GAB2: variants seen among roughly 807,000 people sequenced by gnomAD.
GAB2 encodes GRB2-associated-binding protein 2.
GAB2 carries 26 observed loss-of-function variants against 65.5 expected under a neutral mutation model. That is an observed-to-expected ratio of 0.40 (90% confidence interval 0.29 to 0.55). The LOEUF (loss-of-function observed/expected upper bound fraction) is 0.55. Among genes scored for constraint, GAB2 ranks in the 20% least tolerant of loss-of-function variants. The pLI is 0.53. For missense variants in GAB2, 884 were observed against 875.8 expected (o/e 1.01, Z -0.12); for synonymous variants, 321 against 329.6 (o/e 0.97, Z 0.28).
At chr11:78,394,218 G>A (rs1856866918) in intron 1 of GAB2, among the ~76,000 whole-genome samples, 1 of 152,216 alleles carries the variant, frequency 6.6e-6, no homozygotes, top group African/African-American at 2.4e-5. Context: ...AACCCAGGAG[G>A]CGGAGGTTGC....
intron 3 of GAB2, among the ~76,000 whole-genome samples, chr11:78,231,328 G>A (rs964175589): frequency 1.7e-5 from 2 of 121,188 alleles, no homozygotes; most frequent in South Asian, 2.7e-4. Context: ...GCGCGCGCGC[G>A]CGTGTGTGGT....
rs1864296975 is a variant in GAB2, at chr11:78,219,244, C to T, written c.*28G>A. The T allele has an allele frequency of 1.9e-6, 3 of 1,606,912 alleles. No individual in the cohort carries two copies. The highest frequency in any genetic ancestry group is 2.7e-5 in the African/African-American group (2 of 74,736). ...GGAAGGGCCAGCTCTGGAGATGCTG[C>T]CTCCTGGGCTCTGCGGTGGCCCTCT... is the stretch of plus-strand genomic sequence containing the variant. On this transcript the variant is annotated 3_prime_UTR_variant, in exon 10 of 10. Transcript: ENST00000361507.
chr11:78,324,290 T>C (rs1368182146), intron 1 of GAB2, among the ~76,000 whole-genome samples: 1 of 152,206 alleles, frequency 6.6e-6, no homozygotes, highest in African/African-American at 2.4e-5. Flanking sequence ...TCCTTAAGTT[T>C]GATCCCAAGA....
intron 1 of GAB2, among the ~76,000 whole-genome samples, chr11:78,317,333 T>A (rs1855628132): frequency 6.6e-6 from 1 of 152,004 alleles, no homozygotes; most frequent in South Asian, 2.1e-4. Flanking sequence ...GGAGCCAAGG[T>A]GGACAGATCG....
chr11:78,311,158 T>A (rs1855492440), intron 1 of GAB2, among the ~76,000 whole-genome samples: 1 of 152,236 alleles, frequency 6.6e-6, no homozygotes, highest in African/African-American at 2.4e-5. Context: ...TCTGCCTATA[T>A]AATGTACTGA....
At position 78,220,378 on chromosome 11, in the gene GAB2, C is replaced by T. The variant is rs780858100; in HGVS notation, c.1828G>A (p.Gly610Ser). 2.9e-5 allele frequency: 47 copies of T among 1,612,622 alleles called. No individual in the cohort carries two copies. Among genetic ancestry groups the T allele is most frequent in the Non-Finnish European group, 3.6e-5 (43 of 1,179,186 alleles). The change falls in exon 9 of 10, where the codon GGC becomes AGC. Residue 610 changes from glycine to serine, a missense_variant. Gly to Ser is a moderately conservative substitution (Grantham distance 56). Coordinates refer to ENST00000361507, the MANE Select transcript of GAB2 (RefSeq NM_080491.3). ...TNSPAPKKST[G>S]SVDYLALDFQ... is the part of the protein sequence containing the mutation. ...TCCAGGGCCAGATAATCAACGCTGC[C>T]GGTGCTCTTCTTAGGGGCAGGACTG...
chr11:78,341,293 T>C (rs865858010), intron 1 of GAB2, among the ~76,000 whole-genome samples: 11 of 152,358 alleles, frequency 7.2e-5, no homozygotes, highest in Middle Eastern at 3.4e-3. Flanking sequence ...TGCTATGCTC[T>C]AGGCATATTG....
chr11:78,308,274 T>C (rs186562108), intron 1 of GAB2, among the ~76,000 whole-genome samples: 3 of 152,020 alleles, frequency 2.0e-5, no homozygotes, highest in African/African-American at 7.2e-5. Flanking sequence ...ACAGGACGCA[T>C]AGAAAGAGAG....
intron 6 of GAB2, among the ~76,000 whole-genome samples, chr11:78,223,110 G>A (rs1043118280): frequency 1.3e-5 from 2 of 152,184 alleles, no homozygotes; most frequent in Non-Finnish European, 2.9e-5. Context: ...CTGATCCAAT[G>A]CCAGGAGAGT....
chr11:78,287,452 A>G (rs1226080281), intron 1 of GAB2, among the ~76,000 whole-genome samples: 1 of 151,908 alleles, frequency 6.6e-6, no homozygotes, highest in Admixed American at 6.6e-5. Context: ...TAATTTCTAA[A>G]TTTTTGTAGA....
chr11:78,314,225 T>C (rs1290175481), intron 1 of GAB2, among the ~76,000 whole-genome samples: 3 of 152,196 alleles, frequency 2.0e-5, no homozygotes, highest in East Asian at 1.9e-4. Flanking sequence ...ACCGTTGTGA[T>C]GGTACTTGCA....
chr11:78,333,589 A>G (rs2134680717), intron 1 of GAB2, among the ~76,000 whole-genome samples: 1 of 152,306 alleles, frequency 6.6e-6, no homozygotes, highest in Non-Finnish European at 1.5e-5. Flanking sequence ...TTTTATACAC[A>G]GTGGGAGCCA....
chr11:78,401,331 G>C (rs1173852413), intron 1 of GAB2, among the ~76,000 whole-genome samples: 2 of 152,152 alleles, frequency 1.3e-5, no homozygotes, highest in Non-Finnish European at 2.9e-5. Context: ...ACTAGCACTA[G>C]ACTTTCTGTC....
At chr11:78,402,637 G>T (rs1856989507) in intron 1 of GAB2, among the ~76,000 whole-genome samples, 1 of 130,534 alleles carries the variant, frequency 7.7e-6, no homozygotes, top group Non-Finnish European at 1.6e-5. Context: ...TGTATTTTTG[G>T]TAGAGATGGG....
intron 1 of GAB2, chr11:78,341,909 G>A: frequency 2.0e-6 from 2 of 984,732 alleles, no homozygotes; most frequent in Non-Finnish European, 2.4e-6. Flanking sequence ...GAATGGCTAA[G>A]TGCAATGTTT....
At chr11:78,239,808 A>C (rs1229314084) in intron 3 of GAB2, among the ~76,000 whole-genome samples, 1 of 152,156 alleles carries the variant, frequency 6.6e-6, no homozygotes, top group Non-Finnish European at 1.5e-5. Context: ...CCAGTGAAGG[A>C]AGTTGCCTAG....
chr11:78,276,128 AG>A (rs1359180471), intron 2 of GAB2, among the ~76,000 whole-genome samples: 11 of 149,340 alleles, frequency 7.4e-5, no homozygotes, highest in African/African-American at 2.2e-4. Flanking sequence ...AAAAAAAAAA[AG>A]AAGAAGAAAA....
At position 78,346,700 on chromosome 11, in the gene GAB2, TATATATATATATATATATATAA is replaced by T. The variant is rs1334022311; in HGVS notation, c.76-65821_76-65800del. Among the ~76,000 whole-genome samples, 174 of 94,984 alleles carry T rather than the reference TATATATATATATATATATATAA, an allele frequency of 1.8e-3. 3 individuals are homozygous for T. Among genetic ancestry groups the T allele is most frequent in the African/African-American group, 9.9e-3 (139 of 14,050 alleles). The allele number at this position is 94,984 out of a possible 152,430, so 62.3% of individuals were successfully genotyped here. On this transcript the variant is annotated intron_variant, in intron 1 of 9. Transcript: ENST00000361507. ...ATATATATATATATATATATATATA[TATATATATATATATATATATAA>T]TTTTTTTTTTTTTTAGGAAAAGAAA...
At chr11:78,273,445 C>T (rs1463775249) in intron 2 of GAB2, among the ~76,000 whole-genome samples, 2 of 152,234 alleles carry the variant, frequency 1.3e-5, no homozygotes, top group African/African-American at 4.8e-5. Flanking sequence ...GACTGCCCCA[C>T]TGGATTTTGG....
Sources: allele counts gnomAD v4.1 joint callset (sites outside exome capture counted in the v4.1 genomes callset), GRCh38; gene constraint gnomAD v4.1.1; transcripts MANE v1.5; gene names NCBI Gene and HGNC (gene_info 2026-07-23, HGNC 2026-07-21).